SYNE2: variants seen among roughly 807,000 people sequenced by gnomAD.
SYNE2 encodes spectrin repeat containing nuclear envelope protein 2.
A neutral mutation model predicts 856.3 loss-of-function variants in SYNE2; 431 were observed. The observed-to-expected ratio is 0.50, with a 90% CI of 0.47 to 0.55. SYNE2 has a LOEUF of 0.55. Ranked by LOEUF, SYNE2 falls within the 20% of genes least tolerant of loss-of-function variation. SYNE2 has a pLI of 0.00. For synonymous variants in SYNE2, 2,923 were observed against 2,872.3 expected, an observed-to-expected ratio of 1.02 and a Z score of -0.56; for missense variants, 8,129 against 8,023.2, an observed-to-expected ratio of 1.01 and a Z score of -0.50.
chr14:64,221,617 G>C lies in SYNE2; in HGVS notation c.20103G>C (p.Ala6701=). The change falls in exon 112 of 116, where the codon GCG becomes GCC. Residue 6701 remains alanine (A), a synonymous_variant. Transcript: ENST00000555002. ...QLSQNLLLWL[A]SAKNRRQKAH... ...GTCAAAATCTGCTGCTGTGGTTAGC[G>C]AGTGCCAAGAACCGGAGGCAGAAGG... is the stretch of plus-strand genomic sequence containing the variant. 3 of 1,614,078 alleles carry C rather than the reference G, an allele frequency of 1.9e-6. No individual in the cohort carries two copies. Among genetic ancestry groups the C allele is most frequent in the South Asian group, 1.1e-5 (1 of 91,072 alleles).
intron 84 of SYNE2, among the ~76,000 whole-genome samples, chr14:64,148,436 T>C (rs536444490): frequency 6.6e-6 from 1 of 152,350 alleles, no homozygotes; most frequent in African/African-American, 2.4e-5. Context: ...TTTACAGACA[T>C]GCCTGGCCGG....
intron 32 of SYNE2, among the ~76,000 whole-genome samples, chr14:64,011,646 T>C (rs1057029387): frequency 6.6e-6 from 1 of 152,220 alleles, no homozygotes; most frequent in African/African-American, 2.4e-5. Context: ...GCAGCTTTTC[T>C]TGTTCATGCA....
At chr14:63,993,456 C>T (rs564544846) in intron 21 of SYNE2, among the ~76,000 whole-genome samples, 2 of 152,338 alleles carry the variant, frequency 1.3e-5, no homozygotes, top group East Asian at 3.9e-4. Context: ...GTATGGTTGT[C>T]TGCTCAATAC....
rs560196291 is a variant in SYNE2, at chr14:64,066,398, T to C, written c.10431+748T>C. On this transcript the variant is annotated intron_variant, in intron 51 of 115. Transcript: ENST00000555002. ...CTGTAGTCCCAGCTTCTTGGGAGGCTGAGGTGGGAGGATCTCTTGATGAGA... is the reference window on the plus strand; with the variant it reads ...CTGTAGTCCCAGCTTCTTGGGAGGCCGAGGTGGGAGGATCTCTTGATGAGA... Among the ~76,000 whole-genome samples the C allele has an allele frequency of 8.5e-4, 129 of 152,240 alleles. 2 individuals are homozygous for C. In the South Asian group the frequency reaches 0.023, roughly 27 times the overall value.
intron 94 of SYNE2, among the ~76,000 whole-genome samples, chr14:64,172,948 G>A (rs1388271751): frequency 6.6e-6 from 1 of 150,700 alleles, no homozygotes; most frequent in Non-Finnish European, 1.5e-5. Flanking sequence ...AAAAAAAAAA[G>A]GTTATCTTTG....
At position 64,162,061 on chromosome 14, in the gene SYNE2, T is replaced by A. The variant is rs763273040; in HGVS notation, c.16095-11T>A. On this transcript the variant is annotated splice_polypyrimidine_tract_variant and intron_variant, in intron 87 of 115. Transcript: ENST00000555002. ...AGAATGAGGGTTATGTTATTTGCGT[T>A]GCACTGACAGGTGGACTCAGGTGAA... The A allele has an allele frequency of 1.2e-6, 2 of 1,614,158 alleles. No individual in the cohort carries two copies. The highest frequency in any genetic ancestry group is 1.7e-6 in the Non-Finnish European group (2 of 1,180,016).
At position 64,016,496 on chromosome 14, in the gene SYNE2, T is replaced by A. The variant is rs377521714; in HGVS notation, c.4752T>A (p.Phe1584Leu). The change falls in exon 33 of 116, where the codon TTT (phenylalanine) becomes TTA (leucine). Residue 1584 changes from phenylalanine (F) to leucine (L), a missense_variant. Physicochemically the swap from Phe to Leu is conservative, Grantham distance 22. Transcript: ENST00000555002. ...AGATTGAAATTGTCAAAGAAGAATTTAATGAGCATTTAGAAGTTGTAGACA... is the reference window on the plus strand; with the variant it reads ...AGATTGAAATTGTCAAAGAAGAATTAAATGAGCATTTAGAAGTTGTAGACA... ...IAEIEIVKEE[F>L]NEHLEVVDKI... 2 of 1,593,404 alleles carry A rather than the reference T, an allele frequency of 1.3e-6. No homozygotes were observed. The highest frequency in any genetic ancestry group is 2.3e-5 in the South Asian group (2 of 87,214).
intron 84 of SYNE2, among the ~76,000 whole-genome samples, chr14:64,151,077 T>C (rs1157889098): frequency 6.6e-6 from 1 of 152,174 alleles, no homozygotes. Flanking sequence ...CAGTGGAAGA[T>C]TCCTCCAGCT....
rs139431199 is a variant in SYNE2 at position 64,130,488 on chromosome 14, AAGAT to A, written c.14340+246_14340+249del. 4.7e-3 allele frequency among the ~76,000 whole-genome samples: 718 copies of A among 152,332 alleles called. 4 individuals are homozygous for A. The highest frequency in any genetic ancestry group is 0.016 in the African/African-American group (666 of 41,574). On this transcript the variant is annotated intron_variant, in intron 76 of 115. Coordinates refer to ENST00000555002, the MANE Select transcript of SYNE2 (RefSeq NM_182914.3). ...TTCACAGAGCTTTCACCTGATTGAG[AAGAT>A]AGATATTTATCAACAAGTCTTCAAA...
intron 108 of SYNE2, among the ~76,000 whole-genome samples, chr14:64,217,805 G>T (rs984999870): frequency 2.0e-5 from 3 of 152,126 alleles, no homozygotes; most frequent in Non-Finnish European, 2.9e-5. Context: ...GACAAAGAAA[G>T]CAGGGCTTTT....
upstream of SYNE2, among the ~76,000 whole-genome samples, chr14:63,851,144 C>T (rs1181033820): frequency 6.6e-6 from 1 of 152,134 alleles, no homozygotes; most frequent in Non-Finnish European, 1.5e-5. Flanking sequence ...GGATGGATCA[C>T]GAGGTCAGGA....
chr14:64,063,866 G>T (rs542463879), intron 50 of SYNE2, among the ~76,000 whole-genome samples: 1 of 152,310 alleles, frequency 6.6e-6, no homozygotes, highest in East Asian at 1.9e-4. Context: ...AAGACACCCA[G>T]TGGATGCTTG....
chr14:64,055,262 G>A lies in SYNE2; in HGVS notation c.9745-682G>A, dbSNP rs192205243. ...TGTAATCCATTGTTTTATTTAATTT[G>A]TAGTCTAGTACAAGAGTTCCAAAGC... On this transcript the variant is annotated intron_variant, in intron 48 of 115. Transcript: ENST00000555002. Among the ~76,000 whole-genome samples, 13 of 151,948 alleles carry A rather than the reference G, an allele frequency of 8.6e-5. No homozygotes were observed. The South Asian group carries it at 1.0e-3, about 12-fold the overall frequency.
chr14:64,133,979 T>G, intron 77 of SYNE2, 90 bp from the exon 78 acceptor site: 1 of 1,450,568 alleles, frequency 6.9e-7, no homozygotes, highest in South Asian at 1.1e-5. Flanking sequence ...ATGGTCTTGG[T>G]GTTCATTTTT....
Position 64,167,230 on chromosome 14 carries a change from T to C in SYNE2, c.16606-3T>C, listed in dbSNP as rs747452299. 6.2e-7 allele frequency: 1 copy of C among 1,614,160 alleles called. No homozygotes were observed. Among genetic ancestry groups the C allele is most frequent in the Non-Finnish European group, 8.5e-7 (1 of 1,180,040 alleles). On this transcript the variant is annotated splice_polypyrimidine_tract_variant and splice_region_variant and intron_variant, in intron 90 of 115. Coordinates refer to ENST00000555002, the MANE Select transcript of SYNE2 (RefSeq NM_182914.3). ...AACCTGTACTTCAATTTTTTAAAAA[T>C]AGAATCATGTGCTGGCACTGACAGC...
rs1219140262 is a variant in SYNE2 at position 63,990,560 on chromosome 14, GAA to G, written c.2465_2466del (p.Lys822SerfsTer17). The G allele has an allele frequency of 6.2e-7, 1 of 1,613,774 alleles. No individual in the cohort carries two copies. Among genetic ancestry groups the G allele is most frequent in the African/African-American group, 1.3e-5 (1 of 74,932 alleles). On this transcript the variant is annotated frameshift_variant, in exon 20 of 116. Coordinates refer to ENST00000555002, the MANE Select transcript of SYNE2 (RefSeq NM_182914.3). LOFTEE classifies it high-confidence loss of function. ...LQAKIQEAKE[K>X]VQINVVKLIA... is the part of the protein sequence containing the mutation. ...AGGCAAAGATTCAAGAAGCTAAAGA[GAA>G]AGTCCAGGTCTCTCTTTAATATTCC...
intron 1 of SYNE2, among the ~76,000 whole-genome samples, chr14:63,893,282 G>T (rs1377580119): frequency 7.2e-5 from 11 of 152,216 alleles, no homozygotes; most frequent in Non-Finnish European, 1.6e-4. Context: ...TCCTTGGCCA[G>T]GTGCGGTGGC....
At chr14:64,000,945 A>G (rs1038440761) in intron 28 of SYNE2, among the ~76,000 whole-genome samples, 1 of 152,248 alleles carries the variant, frequency 6.6e-6, no homozygotes, top group Non-Finnish European at 1.5e-5. Flanking sequence ...CTAGAAACTT[A>G]GTAGAACTTA....
At chr14:64,128,706 A>T (rs185043524) in intron 74 of SYNE2, among the ~76,000 whole-genome samples, 153 bp downstream of exon 74, 9 of 152,356 alleles carry the variant, frequency 5.9e-5, no homozygotes, top group Admixed American at 5.9e-4. Context: ...CTTTTTAAAA[A>T]CATCTCCTAA....
Sources: gnomAD v4.1 joint callset for allele counts (sites outside exome capture counted in the v4.1 genomes callset) on GRCh38, gnomAD v4.1.1 for gene constraint, MANE v1.5 for transcripts, NCBI Gene and HGNC (gene_info 2026-07-23, HGNC 2026-07-21) for gene names.